The following ALK variants were observed in gnomAD, a reference collection of about 807,000 sequenced individuals.
The protein encoded by ALK is ALK tyrosine kinase receptor.
A neutral mutation model predicts 163.1 loss-of-function variants in ALK; 74 were observed. The observed-to-expected ratio is 0.45, with a 90% CI of 0.38 to 0.55. The LOEUF is 0.55. Among genes scored for constraint, ALK ranks in the 20% least tolerant of loss-of-function variants. ALK has a pLI of 0.00. For missense variants in ALK, 2,063 were observed against 2,105.3 expected (o/e 0.98, Z 0.39); for synonymous variants, 960 against 843.2 (o/e 1.14, Z -2.40).
intron 4 of ALK, among the ~76,000 whole-genome samples, chr2:29,392,401 T>C (rs1558304647): frequency 6.6e-6 from 1 of 152,216 alleles, no homozygotes; most frequent in Admixed American, 6.5e-5. Flanking sequence ...AAGTAACTCA[T>C]TTTTTAGAAG....
In ALK at chr2:29,222,398, T is replaced by G. The variant is rs1669827472; in HGVS notation, c.3461A>C (p.Glu1154Ala). 1 of 1,613,974 alleles carries G rather than the reference T, an allele frequency of 6.2e-7. No homozygotes were observed. Among genetic ancestry groups the G allele is most frequent in the Non-Finnish European group, 8.5e-7 (1 of 1,179,988 alleles). The change falls in exon 22 of 29, where the codon GAA (glutamate) becomes GCA (alanine). Residue 1154 changes from glutamate (E) to alanine (A), a missense_variant. Glu to Ala is a moderately radical substitution (Grantham distance 107). Transcript: ENST00000389048. ...PLQVAVKTLPEVCSEQDELDF... is the reference protein window; with the variant it reads ...PLQVAVKTLPAVCSEQDELDF... Reference sequence around the variant, plus strand: ...CAGTTCGTCCTGTTCAGAGCACACTTCAGGCAGCGTCTGGGCAGAGAAGGG... The same window carrying G: ...CAGTTCGTCCTGTTCAGAGCACACTGCAGGCAGCGTCTGGGCAGAGAAGGG...
intron 3 of ALK, among the ~76,000 whole-genome samples, chr2:29,569,772 G>A (rs1674303127): frequency 6.6e-6 from 1 of 152,174 alleles, no homozygotes; most frequent in Admixed American, 6.5e-5. Flanking sequence ...CAGATCCTGG[G>A]CAAGCAGGGA....
chr2:29,755,059 T>C (rs2631939), intron 1 of ALK, among the ~76,000 whole-genome samples: 110,609 of 151,992 alleles, frequency 0.73, 42,133 homozygotes, highest in Middle Eastern at 0.85. Flanking sequence ...TTATAAAGTT[T>C]TTCCAACAGC....
In ALK at chr2:29,193,831, T is replaced by G; in HGVS notation, c.4256A>C (p.Glu1419Ala). Reference protein sequence around the residue: ...EKVPVRPKDPEGVPPLLVSQQ... With the variant: ...EKVPVRPKDPAGVPPLLVSQQ... ...AGAGACCAGGAGAGGAGGAACCCCCTCAGGGTCCTTGGGCCTCACAGGCAC... is the reference window on the plus strand; with the variant it reads ...AGAGACCAGGAGAGGAGGAACCCCCGCAGGGTCCTTGGGCCTCACAGGCAC... The change falls in exon 29 of 29, where the codon GAG becomes GCG. Residue 1419 changes from glutamate (E) to alanine (A), a missense_variant. By Grantham distance (107) the Glu-to-Ala change is moderately radical. Coordinates refer to ENST00000389048, the MANE Select transcript of ALK (RefSeq NM_004304.5). The G allele has an allele frequency of 6.2e-7, 1 of 1,610,906 alleles. No homozygotes were observed. The highest frequency in any genetic ancestry group is 8.5e-7 in the Non-Finnish European group (1 of 1,178,718).
Position 29,228,947 on chromosome 2 carries a change from T to G in ALK, c.2752A>C (p.Arg918=). 1 of 636,974 alleles carries G rather than the reference T, an allele frequency of 1.6e-6. No individual in the cohort carries two copies. Among genetic ancestry groups the G allele is most frequent in the Non-Finnish European group, 2.3e-6 (1 of 444,414 alleles). 39.5% of individuals were successfully genotyped at this position (636,974 alleles called of 1,614,324 possible). A position where few individuals can be genotyped will look rare whatever the true frequency, so the allele number is the denominator to read the frequency against. The part of the protein sequence containing the change: ...QAMKKWGWET[R]GGFGGGGGGC... Reference sequence around the variant, plus strand: ...CCTCCACCCCCTCCGAAACCCCCTCTTGTCTCCCACCCCCACTTCTTCATG... The same window carrying G: ...CCTCCACCCCCTCCGAAACCCCCTCGTGTCTCCCACCCCCACTTCTTCATG... Residue 918 remains arginine, a synonymous_variant, in exon 16 of 29, where the codon AGA becomes CGA. Transcript: ENST00000389048.
chr2:29,683,370 C>G lies in ALK; in HGVS notation c.952+11480G>C, dbSNP rs185695170. Among the ~76,000 whole-genome samples, 5 of 152,166 alleles carry G rather than the reference C, an allele frequency of 3.3e-5. No individual in the cohort carries two copies. In the South Asian group the frequency reaches 8.3e-4, roughly 25 times the overall value. On this transcript the variant is annotated intron_variant, in intron 3 of 28. Coordinates refer to ENST00000389048, the MANE Select transcript of ALK (RefSeq NM_004304.5). ...CCAGCCTGGGCAACAGAGTAAGACTCTGTCTCAAGAAAGAAAGAAAAACAA... is the reference window on the plus strand; with the variant it reads ...CCAGCCTGGGCAACAGAGTAAGACTGTGTCTCAAGAAAGAAAGAAAAACAA...
At chr2:29,651,316 A>G (rs1007085877) in intron 3 of ALK, among the ~76,000 whole-genome samples, 4 of 152,168 alleles carry the variant, frequency 2.6e-5, no homozygotes, top group African/African-American at 4.8e-5. Context: ...TTAAAGAGCT[A>G]GTTAAGTAAG....
At chr2:29,534,229 C>CA (rs1193154241) in intron 3 of ALK, among the ~76,000 whole-genome samples, 1 of 152,078 alleles carries the variant, frequency 6.6e-6, no homozygotes, top group African/African-American at 2.4e-5. Flanking sequence ...ATGGTGGGGG[C>CA]AAGAGGGAAT....
intron 3 of ALK, among the ~76,000 whole-genome samples, chr2:29,583,705 C>T (rs926570163): frequency 6.6e-6 from 1 of 152,126 alleles, no homozygotes; most frequent in Non-Finnish European, 1.5e-5. Flanking sequence ...GTCATTTGTC[C>T]CATCTCTTGC....
chr2:29,773,455 T>C (rs76264930), intron 1 of ALK, among the ~76,000 whole-genome samples: 1,875 of 152,330 alleles, frequency 0.012, 15 homozygotes, highest in Non-Finnish European at 0.019. Context: ...AGAGGAAGTC[T>C]CTGCTTTTAG....
chr2:29,707,060 C>T (rs1195424142), intron 2 of ALK, among the ~76,000 whole-genome samples: 1 of 148,320 alleles, frequency 6.7e-6, no homozygotes, highest in Non-Finnish European at 1.5e-5. Flanking sequence ...CAGAATGAAG[C>T]AGGCTCCAGA....
intron 15 of ALK, among the ~76,000 whole-genome samples, chr2:29,230,120 C>T (rs914166943): frequency 2.0e-5 from 3 of 152,174 alleles, no homozygotes; most frequent in Non-Finnish European, 4.4e-5. Context: ...CCCTCCATCA[C>T]ACCAAAATAA....
At chr2:29,329,413 T>C (rs1488778895) in intron 5 of ALK, among the ~76,000 whole-genome samples, 1 of 152,200 alleles carries the variant, frequency 6.6e-6, no homozygotes, top group African/African-American at 2.4e-5. Context: ...ACTCAGTTCT[T>C]GGCTGATGTC....
chr2:29,747,086 G>C (rs990904963), intron 1 of ALK, among the ~76,000 whole-genome samples: 5 of 152,170 alleles, frequency 3.3e-5, no homozygotes, highest in African/African-American at 1.2e-4. Context: ...GTGTGTGTTT[G>C]TTGAGTGGGG....
At chr2:29,264,732 G>A (rs1293446474) in intron 11 of ALK, among the ~76,000 whole-genome samples, 1 of 152,182 alleles carries the variant, frequency 6.6e-6, no homozygotes, top group Non-Finnish European at 1.5e-5. Context: ...GCATGCCAGG[G>A]GTACAGTGAG....
intron 1 of ALK, among the ~76,000 whole-genome samples, chr2:29,875,498 G>A (rs867105522): frequency 5.9e-5 from 9 of 152,056 alleles, no homozygotes; most frequent in Non-Finnish European, 8.8e-5. Context: ...CCTGTGCCAC[G>A]GTGGTTTGCT....
intron 9 of ALK, among the ~76,000 whole-genome samples, chr2:29,284,992 T>C (rs563261839): frequency 6.6e-6 from 1 of 152,344 alleles, no homozygotes; most frequent in East Asian, 1.9e-4. Context: ...ACCTTAGGGA[T>C]TGACAAACCT....
chr2:29,571,290 C>T (rs1674360681), intron 3 of ALK, among the ~76,000 whole-genome samples: 1 of 152,138 alleles, frequency 6.6e-6, no homozygotes, highest in Non-Finnish European at 1.5e-5. Flanking sequence ...GGTTCTGTGT[C>T]CCCACCCAAA....
intron 13 of ALK, among the ~76,000 whole-genome samples, chr2:29,236,264 G>A (rs1664378716): frequency 6.6e-6 from 1 of 152,050 alleles, no homozygotes; most frequent in Non-Finnish European, 1.5e-5. Flanking sequence ...AACCAGTGGT[G>A]CTGAGAAGGT....
Sources: gnomAD v4.1 joint callset for allele counts (sites outside exome capture counted in the v4.1 genomes callset) on GRCh38, gnomAD v4.1.1 for gene constraint, MANE v1.5 for transcripts, NCBI Gene and HGNC (gene_info 2026-07-23, HGNC 2026-07-21) for gene names.